The following SGIP1 variants were observed in gnomAD, a reference collection of about 807,000 sequenced individuals.
SGIP1 encodes the protein SH3-containing GRB2-like protein 3-interacting protein 1.
In SGIP1, 38 loss-of-function variants were observed where a neutral mutation model predicts 107.5. The observed-to-expected ratio is 0.35, with a 90% CI of 0.27 to 0.46. SGIP1 has a LOEUF of 0.46. Ranked by LOEUF, SGIP1 falls within the 20% of genes least tolerant of loss-of-function variation. The pLI is 1.00. For missense variants in SGIP1, 929 were observed against 1,019.5 expected, an observed-to-expected ratio of 0.91 and a Z score of 1.21; for synonymous variants, 365 against 366.1, an observed-to-expected ratio of 1.00 and a Z score of 0.03.
At chr1:66,549,178 CCTTCCTTCCTTCCTT>C (rs1356648060) in intron 1 of SGIP1, among the ~76,000 whole-genome samples, 103 of 151,520 alleles carry the variant, frequency 6.8e-4, no homozygotes, top group African/African-American at 2.4e-3. Flanking sequence ...TTCCTTCCTT[CCTTCCTTCCTTCCTT>C]CCTTCCCTTC....
chr1:66,571,779 T>C (rs1251336543), intron 1 of SGIP1, among the ~76,000 whole-genome samples: 1 of 151,994 alleles, frequency 6.6e-6, no homozygotes, highest in Non-Finnish European at 1.5e-5. Flanking sequence ...TGATTCTTCC[T>C]TGCTTAACAT....
At chr1:66,703,290 G>T (rs2092150634) in intron 18 of SGIP1, among the ~76,000 whole-genome samples, 1 of 152,114 alleles carries the variant, frequency 6.6e-6, no homozygotes, top group Non-Finnish European at 1.5e-5. Context: ...CAAAGGCAAT[G>T]GTAGAATTGC....
intron 21 of SGIP1, among the ~76,000 whole-genome samples, chr1:66,737,739 T>C (rs1370431640): frequency 1.3e-5 from 2 of 152,194 alleles, no homozygotes; most frequent in African/African-American, 2.4e-5. Flanking sequence ...TTGTGAAATG[T>C]CAACAGTCCT....
At chr1:66,604,489 G>A (rs909821997) in intron 1 of SGIP1, among the ~76,000 whole-genome samples, 3 of 152,028 alleles carry the variant, frequency 2.0e-5, no homozygotes, top group African/African-American at 4.8e-5. Context: ...TTTAAAAGTC[G>A]TTTTCTACAT....
chr1:66,597,877 A>G (rs145837318), intron 1 of SGIP1, among the ~76,000 whole-genome samples: 108 of 152,322 alleles, frequency 7.1e-4, no homozygotes, highest in African/African-American at 2.4e-3. Context: ...TAGCTTGCAT[A>G]AACAAAAAGT....
Position 66,700,370 on chromosome 1 carries a change from C to CAAA in SGIP1, c.1630+4894_1630+4896dup, listed in dbSNP as rs34109375. On this transcript the variant is annotated intron_variant, in intron 18 of 24. Coordinates refer to ENST00000371037, the MANE Select transcript of SGIP1 (RefSeq NM_032291.4). The stretch of plus-strand genomic sequence containing the variant: ...TGGGTGACAGGGTGAGACTCCATCT[C>CAAA]AAAAAAAAAAAAAAAAAAACAGAGT... Among the ~76,000 whole-genome samples the CAAA allele has an allele frequency of 2.1e-3, 175 of 82,914 alleles. 3 individuals are homozygous for CAAA. Among genetic ancestry groups the CAAA allele is most frequent in the Middle Eastern group, 0.013 (2 of 158 alleles). 54.4% of individuals were successfully genotyped at this position (82,914 alleles called of 152,430 possible). A position where few individuals can be genotyped will look rare whatever the true frequency, so the allele number is the denominator to read the frequency against.
chr1:66,646,620 T>C (rs758235184), intron 7 of SGIP1, among the ~76,000 whole-genome samples: 1 of 152,188 alleles, frequency 6.6e-6, no homozygotes, highest in Non-Finnish European at 1.5e-5. Flanking sequence ...CTATATATAT[T>C]GGGCGGTCAA....
intron 2 of SGIP1, among the ~76,000 whole-genome samples, chr1:66,630,690 C>T (rs2074084764): frequency 6.7e-6 from 1 of 150,194 alleles, no homozygotes; most frequent in African/African-American, 2.5e-5. Flanking sequence ...CCTATAATCT[C>T]AGCTACTTGG....
chr1:66,624,690 G>A, intron 1 of SGIP1, among the ~76,000 whole-genome samples: 1 of 152,168 alleles, frequency 6.6e-6, no homozygotes, highest in East Asian at 1.9e-4. Flanking sequence ...CCACCTGGTA[G>A]TACCAAACAA....
intron 18 of SGIP1, among the ~76,000 whole-genome samples, chr1:66,713,960 A>T (rs907146735): frequency 2.0e-5 from 3 of 152,140 alleles, no homozygotes; most frequent in Non-Finnish European, 2.9e-5. Flanking sequence ...CGCTAACTCC[A>T]TGCTCAGTGA....
intron 19 of SGIP1, among the ~76,000 whole-genome samples, chr1:66,720,791 T>C (rs2093492028): frequency 6.6e-6 from 1 of 152,168 alleles, no homozygotes; most frequent in Admixed American, 6.6e-5. Flanking sequence ...AACACTAGAC[T>C]ATACTATAAA....
intron 17 of SGIP1, among the ~76,000 whole-genome samples, chr1:66,693,671 A>T (rs1321183440): frequency 6.6e-6 from 1 of 152,226 alleles, no homozygotes; most frequent in African/African-American, 2.4e-5. Context: ...TCCCACATAG[A>T]GTCAAAAATC....
intron 1 of SGIP1, among the ~76,000 whole-genome samples, chr1:66,555,625 A>G (rs2058069254): frequency 6.6e-6 from 1 of 152,130 alleles, no homozygotes; most frequent in Non-Finnish European, 1.5e-5. Context: ...CTAAACCCCA[A>G]TGGCATCGAT....
chr1:66,551,250 A>G (rs2057356438), intron 1 of SGIP1, among the ~76,000 whole-genome samples: 1 of 152,190 alleles, frequency 6.6e-6, no homozygotes, highest in African/African-American at 2.4e-5. Context: ...GCAAACTTTA[A>G]TGAATGATGT....
At chr1:66,593,959 AT>A (rs2064135558) in intron 1 of SGIP1, among the ~76,000 whole-genome samples, 1 of 152,224 alleles carries the variant, frequency 6.6e-6, no homozygotes, top group African/African-American at 2.4e-5. Context: ...ACATATTCCG[AT>A]TAGCATTGAA....
At chr1:66,721,454 G>A (rs1298760898) in intron 19 of SGIP1, among the ~76,000 whole-genome samples, 1 of 151,942 alleles carries the variant, frequency 6.6e-6, no homozygotes, top group Non-Finnish European at 1.5e-5. Context: ...TTTTGCCCAG[G>A]CTGAAGCACA....
chr1:66,625,390 G>T (rs887058729), intron 1 of SGIP1, among the ~76,000 whole-genome samples: 18 of 152,318 alleles, frequency 1.2e-4, no homozygotes, highest in East Asian at 3.9e-4. Flanking sequence ...GATAAGATGG[G>T]AATACGAGAC....
chr1:66,706,973 T>C (rs2092566395), intron 18 of SGIP1, among the ~76,000 whole-genome samples: 1 of 152,114 alleles, frequency 6.6e-6, no homozygotes, highest in Non-Finnish European at 1.5e-5. Flanking sequence ...TGGGAAAGTA[T>C]AAATAAAAGA....
intron 1 of SGIP1, among the ~76,000 whole-genome samples, chr1:66,567,372 TG>T (rs2059797004): frequency 6.6e-6 from 1 of 152,278 alleles, no homozygotes; most frequent in Non-Finnish European, 1.5e-5. Context: ...CTTGTAAATT[TG>T]TTTAAGTTCC....
Sources: allele counts gnomAD v4.1 joint callset (sites outside exome capture counted in the v4.1 genomes callset), GRCh38; gene constraint gnomAD v4.1.1; transcripts MANE v1.5; gene names NCBI Gene and HGNC (gene_info 2026-07-23, HGNC 2026-07-21).